Variants in CLIP1 observed in about 807,000 individuals in gnomAD.
CLIP1 encodes CAP-Gly domain-containing linker protein 1.
A neutral mutation model predicts 161.6 loss-of-function variants in CLIP1; 66 were observed. That is an observed-to-expected ratio of 0.41 (90% CI 0.33 to 0.50). CLIP1 has a LOEUF of 0.50. Among genes scored for constraint, CLIP1 ranks in the 20% least tolerant of loss-of-function variants. CLIP1 has a pLI of 0.27. For missense variants in CLIP1, 1,376 were observed against 1,702.0 expected (o/e 0.81, Z 3.37); for synonymous variants, 598 against 626.2 (o/e 0.96, Z 0.67).
intron 1 of CLIP1, among the ~76,000 whole-genome samples, chr12:122,382,998 AT>A (rs1955073698): frequency 6.6e-6 from 1 of 152,118 alleles, no homozygotes; most frequent in African/African-American, 2.4e-5. Flanking sequence ...AAGCAGAGTT[AT>A]TTGTTCCTGC....
chr12:122,365,252 T>TA (rs1193874820), intron 3 of CLIP1: 40 of 544,248 alleles, frequency 7.3e-5, no homozygotes, highest in South Asian at 1.4e-4. Flanking sequence ...AAAATAAAAA[T>TA]AAAAAAAAGA....
chr12:122,319,711 G>T (rs1227003042), intron 17 of CLIP1, among the ~76,000 whole-genome samples: 1 of 152,150 alleles, frequency 6.6e-6, no homozygotes, highest in Non-Finnish European at 1.5e-5. Context: ...TCCTTATATA[G>T]CTGAATTTCT....
At chr12:122,307,173 T>C (rs1950909113) in intron 20 of CLIP1, among the ~76,000 whole-genome samples, 1 of 151,904 alleles carries the variant, frequency 6.6e-6, no homozygotes, top group Non-Finnish European at 1.5e-5. Context: ...CATGCCTGGT[T>C]AATTTTTGTA....
At position 122,328,342 on chromosome 12, in the gene CLIP1, G is replaced by C. The variant is rs1397497518; in HGVS notation, c.2952C>G (p.Val984=). ...CTTCTTGCTGGCTCTGTTCAGCTTT[G>C]ACAGTCATGTCCTCAATACTTTTTT... ...FLQKSIEDMT[V]KAEQSQQEAA... Residue 984 remains valine (V), a synonymous_variant, in exon 16 of 26, where the codon GTC becomes GTG. Coordinates refer to ENST00000620786, the MANE Select transcript of CLIP1 (RefSeq NM_001247997.2). 2.5e-6 allele frequency: 4 copies of C among 1,613,770 alleles called. No homozygotes were observed. The East Asian group carries it at 6.7e-5, about 27-fold the overall frequency.
rs771617319 is a variant in CLIP1, at chr12:122,355,212, G to A, written c.1106C>T (p.Ala369Val). The A allele has an allele frequency of 8.7e-6, 14 of 1,614,024 alleles. No homozygotes were observed. The highest frequency in any genetic ancestry group is 2.7e-5 in the African/African-American group (2 of 74,918). The change falls in exon 6 of 26, where the codon GCG (alanine) becomes GTG (valine). Residue 369 changes from alanine to valine, a missense_variant. Transcript: ENST00000620786. The surrounding 1 kb of genome is among the most constrained non-coding windows in gnomAD (Gnocchi z 4.1). Reference sequence around the variant, plus strand: ...CTCCGCCCTCTCCAGATCCCGTTCCGCCAGCAGCTGCTCAATGTGCTGCTG... The same window carrying A: ...CTCCGCCCTCTCCAGATCCCGTTCCACCAGCAGCTGCTCAATGTGCTGCTG... ...EKQQHIEQLL[A>V]ERDLERAEVA...
chr12:122,340,817 T>C lies in CLIP1; in HGVS notation c.2387A>G (p.Gln796Arg). Reference sequence around the variant, plus strand: ...AATCTGTTTCTCAGCTGCCTCAAGCTGCTGTCTAAGTTTCTTCATTTCCGA... The same window carrying C: ...AATCTGTTTCTCAGCTGCCTCAAGCCGCTGTCTAAGTTTCTTCATTTCCGA... ...GKSEMKKLRQQLEAAEKQIKH... is the reference protein window; with the variant it reads ...GKSEMKKLRQRLEAAEKQIKH... The change falls in exon 11 of 26, where the codon CAG becomes CGG. Residue 796 changes from glutamine (Q) to arginine (R), a missense_variant. This residue lies in a region of CLIP1 where 948 missense variants were observed against 1,134.8 expected (regional missense o/e 0.84). Coordinates refer to ENST00000620786, the MANE Select transcript of CLIP1 (RefSeq NM_001247997.2). 2.5e-6 allele frequency: 4 copies of C among 1,612,892 alleles called. No individual in the cohort carries two copies. The highest frequency in any genetic ancestry group is 3.4e-6 in the Non-Finnish European group (4 of 1,179,652).
intron 7 of CLIP1, among the ~76,000 whole-genome samples, chr12:122,353,663 C>G (rs1953166466): frequency 6.6e-6 from 1 of 151,694 alleles, no homozygotes; most frequent in African/African-American, 2.4e-5. Context: ...CGGAGTCTTG[C>G]TCTGTCACCC....
At chr12:122,343,013 A>C (rs1952575498) in intron 10 of CLIP1, 1 of 152,024 alleles carries the variant, frequency 6.6e-6, no homozygotes, top group Non-Finnish European at 1.5e-5. Context: ...TGTGGCTTAC[A>C]TTATACTTCT....
intron 1 of CLIP1, among the ~76,000 whole-genome samples, chr12:122,390,174 TATATATATATATATATATATATA>T (rs1447432798): frequency 3.4e-5 from 2 of 58,068 alleles, no homozygotes; most frequent in African/African-American, 2.1e-4. Context: ...CAGTCTCAGA[TATATATATATATATATATATATA>T]ATATATATAT....
At chr12:122,337,308 C>T (rs1172315008) in intron 11 of CLIP1, among the ~76,000 whole-genome samples, 1 of 151,702 alleles carries the variant, frequency 6.6e-6, no homozygotes, top group Non-Finnish European at 1.5e-5. Context: ...ATTAACTGGG[C>T]ATGGTGGCAC....
intron 3 of CLIP1, among the ~76,000 whole-genome samples, chr12:122,372,628 T>G (rs1042030746): frequency 2.0e-5 from 3 of 151,800 alleles, no homozygotes; most frequent in Admixed American, 1.3e-4. Flanking sequence ...AAAAAATAAT[T>G]ATTCAAATCT....
intron 1 of CLIP1, among the ~76,000 whole-genome samples, chr12:122,396,915 CACCA>C (rs1955930678): frequency 6.8e-6 from 1 of 148,046 alleles, no homozygotes; most frequent in Non-Finnish European, 1.5e-5. Context: ...TACAGGCAGA[CACCA>C]CCACACCCGG....
intron 11 of CLIP1, 54 bp downstream of exon 11, chr12:122,340,699 G>A (rs1245405686): frequency 7.1e-7 from 1 of 1,413,812 alleles, no homozygotes; most frequent in African/African-American, 1.4e-5. Flanking sequence ...GTAACATAAT[G>A]CAAAACAAGA....
chr12:122,357,092 G>A (rs1288146802), intron 5 of CLIP1, among the ~76,000 whole-genome samples: 5 of 152,110 alleles, frequency 3.3e-5, no homozygotes, highest in African/African-American at 2.4e-5. Flanking sequence ...CCTCTGCCTG[G>A]CTGCCCAGTC....
chr12:122,371,447 C>T (rs982447600), intron 3 of CLIP1, among the ~76,000 whole-genome samples: 3 of 152,130 alleles, frequency 2.0e-5, no homozygotes, highest in South Asian at 2.1e-4. Context: ...CCATAGAAAA[C>T]GCTCCAAACA....
chr12:122,300,356 G>C (rs559029686), intron 20 of CLIP1, among the ~76,000 whole-genome samples: 3 of 151,566 alleles, frequency 2.0e-5, no homozygotes, highest in Admixed American at 6.6e-5. Flanking sequence ...GACAGAGAGG[G>C]GGAAAAAAGC....
Position 122,278,791 on chromosome 12 carries a change from C to T in CLIP1, c.3916+1G>A. On this transcript the variant is annotated splice_donor_variant, in intron 23 of 25. Transcript: ENST00000620786. LOFTEE classifies it high-confidence loss of function. ...AGAAGCACTGGGCAGGCGCCCTTTA[C>T]CTGAGGAGCTGCTGAGCTGCCTCTT... is the stretch of plus-strand genomic sequence containing the variant. 1 of 1,594,114 alleles carries T rather than the reference C, an allele frequency of 6.3e-7. No individual in the cohort carries two copies. The highest frequency in any genetic ancestry group is 8.5e-7 in the Non-Finnish European group (1 of 1,171,288).
intron 20 of CLIP1, among the ~76,000 whole-genome samples, chr12:122,305,302 ATACC>A (rs1183203038): frequency 6.6e-6 from 1 of 152,246 alleles, no homozygotes; most frequent in African/African-American, 2.4e-5. Flanking sequence ...GGGGTAGACT[ATACC>A]TATAGTCCCA....
chr12:122,279,335 G>A lies in CLIP1; in HGVS notation c.3648-190C>T. ...TGAAATTTTACTTACTGTGAGGGGAGAAAAAGTTTACCTATGCATAGACAT... is the reference window on the plus strand; with the variant it reads ...TGAAATTTTACTTACTGTGAGGGGAAAAAAAGTTTACCTATGCATAGACAT... On this transcript the variant is annotated intron_variant, in intron 21 of 25. Coordinates refer to ENST00000620786, the MANE Select transcript of CLIP1 (RefSeq NM_001247997.2). The surrounding 1 kb of genome is among the most constrained non-coding windows in gnomAD (Gnocchi z 4.5). 1 of 346,342 alleles carries A rather than the reference G, an allele frequency of 2.9e-6. No homozygotes were observed. The highest frequency in any genetic ancestry group is 6.0e-5 in the South Asian group (1 of 16,772). 21.5% of individuals were successfully genotyped at this position (346,342 alleles called of 1,614,324 possible).
Sources: gnomAD v4.1 joint callset for allele counts (sites outside exome capture counted in the v4.1 genomes callset) on GRCh38, gnomAD v4.1.1 for gene constraint, gnomAD v4.1.1 regional missense constraint, Gnocchi (gnomAD v3.1) non-coding constraint, MANE v1.5 for transcripts, NCBI Gene and HGNC (gene_info 2026-07-23, HGNC 2026-07-21) for gene names.